SORCS1: variants seen among roughly 807,000 people sequenced by gnomAD.
SORCS1 encodes sortilin related VPS10 domain containing receptor 1.
SORCS1 carries 60 observed loss-of-function variants against 146.1 expected under a neutral mutation model. That is an observed-to-expected ratio of 0.41 (90% CI 0.33 to 0.51). The LOEUF (loss-of-function observed/expected upper bound fraction) is 0.51. Ranked by LOEUF, SORCS1 falls within the 20% of genes least tolerant of loss-of-function variation. The pLI is 0.21. For synonymous variants in SORCS1, 637 were observed against 584.0 expected (o/e 1.09, Z -1.31); for missense variants, 1,352 against 1,487.6 (o/e 0.91, Z 1.50).
chr10:107,083,362 A>G (rs1963487861), intron 1 of SORCS1, among the ~76,000 whole-genome samples: 1 of 152,014 alleles, frequency 6.6e-6, no homozygotes, highest in African/African-American at 2.4e-5. Context: ...TTCAAATTAG[A>G]CTTCTGGTTG....
At chr10:106,995,448 TTTTG>T (rs1306379161) in intron 1 of SORCS1, among the ~76,000 whole-genome samples, 1 of 152,190 alleles carries the variant, frequency 6.6e-6, no homozygotes, top group Non-Finnish European at 1.5e-5. Flanking sequence ...GGTTGTATTG[TTTTG>T]TTTTTTTCTG....
intron 20 of SORCS1, among the ~76,000 whole-genome samples, chr10:106,618,622 G>T (rs941620113): frequency 6.6e-6 from 1 of 152,122 alleles, no homozygotes; most frequent in Admixed American, 6.5e-5. Context: ...AATGATCAAA[G>T]CAAATGAGAA....
At chr10:107,154,875 G>C (rs1969154991) in intron 1 of SORCS1, among the ~76,000 whole-genome samples, 2 of 152,112 alleles carry the variant, frequency 1.3e-5, no homozygotes, top group African/African-American at 4.8e-5. Context: ...TACTATCTCT[G>C]TTAATCATCA....
At chr10:107,154,872 T>A (rs1969154546) in intron 1 of SORCS1, among the ~76,000 whole-genome samples, 1 of 152,210 alleles carries the variant, frequency 6.6e-6, no homozygotes, top group Admixed American at 6.5e-5. Flanking sequence ...TTATACTATC[T>A]CTGTTAATCA....
intron 9 of SORCS1, among the ~76,000 whole-genome samples, chr10:106,694,841 C>G (rs967071109): frequency 7.2e-5 from 11 of 152,202 alleles, no homozygotes; most frequent in Non-Finnish European, 1.5e-4. Context: ...CAGGTGGCTT[C>G]ACTCCCAACA....
At chr10:107,048,881 T>G (rs1057208582) in intron 1 of SORCS1, among the ~76,000 whole-genome samples, 1 of 152,128 alleles carries the variant, frequency 6.6e-6, no homozygotes, top group Non-Finnish European at 1.5e-5. Context: ...AGCGGTAAAT[T>G]TGTGTTTCAG....
At chr10:106,941,104 T>C (rs1954020480) in intron 2 of SORCS1, among the ~76,000 whole-genome samples, 1 of 152,188 alleles carries the variant, frequency 6.6e-6, no homozygotes, top group Non-Finnish European at 1.5e-5. Flanking sequence ...AGTACCAATC[T>C]CATAAAAATA....
chr10:106,699,378 T>C lies in SORCS1; in HGVS notation c.1249A>G (p.Ser417Gly). 1 of 1,612,184 alleles carries C rather than the reference T, an allele frequency of 6.2e-7. No individual in the cohort carries two copies. The highest frequency in any genetic ancestry group is 1.3e-5 in the African/African-American group (1 of 74,970). The part of the protein sequence containing the change: ...YALPKDMHVI[S>G]TDENQVFAAV... ...GCGAACACCTGATTCTCATCGGTGC[T>C]GATAACATGCATGTCCTGTGAAAAG... Residue 417 changes from serine (S) to glycine (G), a missense_variant, in exon 9 of 26, where the codon AGC (serine) becomes GGC (glycine). By Grantham distance (56) the Ser-to-Gly change is moderately conservative. Coordinates refer to ENST00000263054, the MANE Select transcript of SORCS1 (RefSeq NM_052918.5).
intron 3 of SORCS1, among the ~76,000 whole-genome samples, chr10:106,788,310 CT>C (rs1946154005): frequency 1.3e-5 from 2 of 152,202 alleles, no homozygotes; most frequent in Admixed American, 1.3e-4. Context: ...AATCTCATGT[CT>C]TTTCATATTT....
chr10:106,674,328 C>CAAA lies in SORCS1; in HGVS notation c.1940+718_1940+720dup, dbSNP rs10658432. On this transcript the variant is annotated intron_variant, in intron 14 of 25. Coordinates refer to ENST00000263054, the MANE Select transcript of SORCS1 (RefSeq NM_052918.5). ...TGGGCGACAGAGTAAGACTCCGTCTCAAAAAAAAAAAAAAAAAAAAAAAAA... is the reference window on the plus strand; with the variant it reads ...TGGGCGACAGAGTAAGACTCCGTCTCAAAAAAAAAAAAAAAAAAAAAAAAAAAA... 1.5e-3 allele frequency among the ~76,000 whole-genome samples: 41 copies of CAAA among 27,374 alleles called. 8 individuals are homozygous for CAAA. Among genetic ancestry groups the CAAA allele is most frequent in the African/African-American group, 7.7e-3 (38 of 4,942 alleles). 18.0% of individuals were successfully genotyped at this position (27,374 alleles called of 152,430 possible).
chr10:106,988,196 T>G (rs1367391601), intron 1 of SORCS1, among the ~76,000 whole-genome samples: 1 of 152,210 alleles, frequency 6.6e-6, no homozygotes, highest in East Asian at 1.9e-4. Flanking sequence ...ATCTTTATTC[T>G]ATAGAGTCAT....
At chr10:106,829,956 G>A (rs548176562) in intron 2 of SORCS1, among the ~76,000 whole-genome samples, 103 of 152,230 alleles carry the variant, frequency 6.8e-4, no homozygotes, top group Non-Finnish European at 1.3e-3. Context: ...AAGAGATGAG[G>A]GTGTCCCTTG....
chr10:106,873,714 A>G (rs879086721), intron 2 of SORCS1, among the ~76,000 whole-genome samples: 1 of 152,166 alleles, frequency 6.6e-6, no homozygotes, highest in East Asian at 1.9e-4. Context: ...ATTCACCTCA[A>G]TTAGGCAGCA....
At chr10:106,992,826 C>CTTTTTTTTTT (rs36052970) in intron 1 of SORCS1, among the ~76,000 whole-genome samples, 6 of 57,094 alleles carry the variant, frequency 1.1e-4, no homozygotes, top group African/African-American at 1.7e-4. Flanking sequence ...TTCTTTCTTT[C>CTTTTTTTTTT]TTTTTTTTTT....
intron 1 of SORCS1, among the ~76,000 whole-genome samples, chr10:107,032,078 CA>C (rs1246352349): frequency 2.0e-5 from 3 of 152,166 alleles, no homozygotes; most frequent in Non-Finnish European, 4.4e-5. Flanking sequence ...GAGCCAAGAA[CA>C]GACAGCCTTA....
intron 2 of SORCS1, among the ~76,000 whole-genome samples, chr10:106,841,572 C>A (rs868851521): frequency 9.9e-5 from 15 of 152,146 alleles, no homozygotes; most frequent in African/African-American, 3.6e-4. Context: ...TTTATATGCA[C>A]TGAGAAAGCA....
chr10:107,147,336 C>T (rs556384761), intron 1 of SORCS1, among the ~76,000 whole-genome samples: 1 of 152,270 alleles, frequency 6.6e-6, no homozygotes, highest in African/African-American at 2.4e-5. Flanking sequence ...GCTATTTTCT[C>T]CCTCAGGCCT....
chr10:106,598,688 C>A (rs1332372860), intron 23 of SORCS1, among the ~76,000 whole-genome samples: 3 of 152,078 alleles, frequency 2.0e-5, no homozygotes, highest in African/African-American at 7.2e-5. Context: ...TAATTAAATT[C>A]TTAATTTTTT....
chr10:107,016,538 T>C (rs1432592588), intron 1 of SORCS1, among the ~76,000 whole-genome samples: 2 of 152,252 alleles, frequency 1.3e-5, no homozygotes, highest in East Asian at 3.9e-4. Context: ...ATAGGTCGAT[T>C]GTACATTTAA....
Sources: allele counts gnomAD v4.1 joint callset (sites outside exome capture counted in the v4.1 genomes callset), GRCh38; gene constraint gnomAD v4.1.1; transcripts MANE v1.5; gene names NCBI Gene and HGNC (gene_info 2026-07-23, HGNC 2026-07-21).